ABI3BP: variants seen among roughly 807,000 people sequenced by gnomAD.
ABI3BP encodes target of Nesh-SH3.
ABI3BP carries 216 observed loss-of-function variants against 268.6 expected under a neutral mutation model. The observed-to-expected ratio is 0.80, with a 90% CI of 0.72 to 0.90. The LOEUF is 0.90. ABI3BP is among the 40% of genes least tolerant of loss of function. ABI3BP has a pLI of 0.00. For synonymous variants in ABI3BP, 730 were observed against 730.0 expected (o/e 1.00, Z 0.00); for missense variants, 2,090 against 2,182.4 (o/e 0.96, Z 0.84).
chr3:100,848,621 C>T (rs1041089785), intron 18 of ABI3BP, among the ~76,000 whole-genome samples, 180 bp downstream of exon 18: 12 of 152,070 alleles, frequency 7.9e-5, no homozygotes, highest in African/African-American at 2.2e-4. Flanking sequence ...GAGACGGGGT[C>T]TCACTAGCTT....
At chr3:100,905,748 C>G (rs1210030993) in intron 2 of ABI3BP, among the ~76,000 whole-genome samples, 2 of 151,924 alleles carry the variant, frequency 1.3e-5, no homozygotes, top group Non-Finnish European at 2.9e-5. Flanking sequence ...AATTAAAGGC[C>G]CTTACGTTTG....
chr3:100,915,426 C>T lies in ABI3BP; in HGVS notation c.259+10876G>A, dbSNP rs149306944. Among the ~76,000 whole-genome samples the T allele has an allele frequency of 4.9e-3, 749 of 152,260 alleles. 5 individuals carry two copies. The highest frequency in any genetic ancestry group is 0.017 in the African/African-American group (712 of 41,554). On this transcript the variant is annotated intron_variant, in intron 2 of 67. Coordinates refer to ENST00000471714, the MANE Select transcript of ABI3BP (RefSeq NM_001375547.2). ...CTGCGAGGACTGCTGCCGCCATGCCCGGCCAGATGTCATTATGGAGGTGTG... is the reference window on the plus strand; with the variant it reads ...CTGCGAGGACTGCTGCCGCCATGCCTGGCCAGATGTCATTATGGAGGTGTG...
Position 100,765,943 on chromosome 3 carries a change from T to C in ABI3BP, c.4748A>G (p.Glu1583Gly), listed in dbSNP as rs2096250453. ...TGACCCATTTTCTCTGGATATAACT[T>C]CATATTCTGTAAAGCGAAAGAAGCC... ...KPLNDTVTEY[E>G]VISRENGSFS... Residue 1583 changes from glutamate to glycine, a missense_variant, in exon 63 of 68, where the codon GAA (glutamate) becomes GGA (glycine). By Grantham distance (98) the Glu-to-Gly change is moderately conservative. Coordinates refer to ENST00000471714, the MANE Select transcript of ABI3BP (RefSeq NM_001375547.2). The C allele has an allele frequency of 1.9e-6, 3 of 1,606,568 alleles. No individual in the cohort carries two copies. In the African/African-American group the frequency reaches 4.0e-5, roughly 21 times the overall value.
rs1354206273 is a variant in ABI3BP, at chr3:100,865,594, C to A, written c.989-687G>T. Among the ~76,000 whole-genome samples the A allele has an allele frequency of 2.0e-5, 3 of 152,122 alleles. No homozygotes were observed. In the South Asian group the frequency reaches 6.2e-4, roughly 32 times the overall value. On this transcript the variant is annotated intron_variant, in intron 10 of 67. Coordinates refer to ENST00000471714, the MANE Select transcript of ABI3BP (RefSeq NM_001375547.2). ...ACTGGGATCTGAAATGAATTGAGAGCCAGAAAGCCCCGGAATGTTGCAGGG... is the reference window on the plus strand; with the variant it reads ...ACTGGGATCTGAAATGAATTGAGAGACAGAAAGCCCCGGAATGTTGCAGGG...
chr3:100,750,080 A>G lies in ABI3BP; in HGVS notation c.*415T>C, dbSNP rs1031945595. ...TTTGATCCAATAAGTTAAACTAAGTAGAGATTTATGGAATTAACTCATCAA... is the reference window on the plus strand; with the variant it reads ...TTTGATCCAATAAGTTAAACTAAGTGGAGATTTATGGAATTAACTCATCAA... On this transcript the variant is annotated 3_prime_UTR_variant, in exon 68 of 68. Coordinates refer to ENST00000471714, the MANE Select transcript of ABI3BP (RefSeq NM_001375547.2). 7 of 244,874 alleles carry G rather than the reference A, an allele frequency of 2.9e-5. No homozygotes were observed. The highest frequency in any genetic ancestry group is 5.4e-5 in the Non-Finnish European group (7 of 129,986). 15.2% of individuals were successfully genotyped at this position (244,874 alleles called of 1,614,324 possible).
rs536603285 is a variant in ABI3BP, at chr3:100,884,711, G to C, written c.696+825C>G. On this transcript the variant is annotated intron_variant, in intron 6 of 67. Coordinates refer to ENST00000471714, the MANE Select transcript of ABI3BP (RefSeq NM_001375547.2). The stretch of plus-strand genomic sequence containing the variant: ...CACAATAGTCTTTGCACGTTCATTT[G>C]ACTGTAGGATACTTCCAATATCTAG... Among the ~76,000 whole-genome samples, 3 of 146,182 alleles carry C rather than the reference G, an allele frequency of 2.1e-5. No homozygotes were observed. In the South Asian group the frequency reaches 6.6e-4, roughly 32 times the overall value.
chr3:100,894,855 C>T (rs146725839), intron 4 of ABI3BP, among the ~76,000 whole-genome samples: 1 of 141,708 alleles, frequency 7.1e-6, no homozygotes, highest in African/African-American at 2.7e-5. Flanking sequence ...AGGAGAATGG[C>T]GTGAACCCGG....
Position 100,834,750 on chromosome 3 carries a change from T to C in ABI3BP, c.2215A>G (p.Arg739Gly), listed in dbSNP as rs1268838091. ...TLAPKTSQRT[R>G]TRRPRPKHKT... ...TGTTTGGGACGTGGACGACGTGTTC[T>C]TGTTCGTTGCGATGTTTTTGGAGCT... is the stretch of plus-strand genomic sequence containing the variant. The change falls in exon 29 of 68, where the codon AGA (arginine) becomes GGA (glycine). Residue 739 changes from arginine (R) to glycine (G), a missense_variant. By Grantham distance (125) the Arg-to-Gly change is moderately radical. Transcript: ENST00000471714. The C allele has an allele frequency of 1.3e-6, 2 of 1,535,622 alleles. No individual in the cohort carries two copies. The highest frequency in any genetic ancestry group is 2.7e-5 in the African/African-American group (2 of 73,014).
intron 36 of ABI3BP, 77 bp downstream of exon 36, chr3:100,824,781 C>T: frequency 4.1e-6 from 5 of 1,234,330 alleles, no homozygotes; most frequent in Non-Finnish European, 4.5e-6. Context: ...TGTTGCTGCT[C>T]AGCATTGACA....
At position 100,795,006 on chromosome 3, in the gene ABI3BP, G is replaced by T. The variant is rs2097302724; in HGVS notation, c.3866-3C>A. 2 of 1,473,408 alleles carry T rather than the reference G, an allele frequency of 1.4e-6. No individual in the cohort carries two copies. Among genetic ancestry groups the T allele is most frequent in the African/African-American group, 1.5e-5 (1 of 68,228 alleles). 91.3% of individuals were successfully genotyped at this position (1,473,408 alleles called of 1,614,324 possible). On this transcript the variant is annotated splice_region_variant and splice_polypyrimidine_tract_variant and intron_variant, in intron 53 of 67. Transcript: ENST00000471714. ...GATGCCTCGTGTCTCTAGAGGAGCT[G>T]CAAAAAGAAAAGGACCAAGGTTGTA...
intron 61 of ABI3BP, 48 bp downstream of exon 61, chr3:100,774,557 C>A: frequency 6.9e-7 from 1 of 1,442,434 alleles, no homozygotes; most frequent in Non-Finnish European, 9.4e-7. Flanking sequence ...GATACACCTA[C>A]CAAAAATGGC....
rs41272987 is a variant in ABI3BP at position 100,770,663 on chromosome 3, G to A, written c.4741+80C>T. 770 of 1,316,148 alleles carry A rather than the reference G, an allele frequency of 5.9e-4. 1 individual carries two copies. Among genetic ancestry groups the A allele is most frequent in the Non-Finnish European group, 7.5e-4 (756 of 1,004,776 alleles). The allele number at this position is 1,316,148 out of a possible 1,614,324, so 81.5% of individuals were successfully genotyped here. A position where few individuals can be genotyped will look rare whatever the true frequency, so the allele number is the denominator to read the frequency against. The stretch of plus-strand genomic sequence containing the variant: ...CCCCAGGTATGCTTCACATGTCAAC[G>A]TTGACCCAGGGTACCCCACTCCCAG... On this transcript the variant is annotated intron_variant, in intron 62 of 67. Coordinates refer to ENST00000471714, the MANE Select transcript of ABI3BP (RefSeq NM_001375547.2).
At chr3:100,833,007 AG>A in intron 30 of ABI3BP, 117 bp downstream of exon 30, 1 of 836,868 alleles carries the variant, frequency 1.2e-6, no homozygotes, top group South Asian at 2.2e-5. Flanking sequence ...CCATATTTTG[AG>A]ATGAATACTG....
At chr3:100,829,773 T>C (rs2098452793) in intron 32 of ABI3BP, 109 bp from the exon 33 acceptor site, 2 of 830,070 alleles carry the variant, frequency 2.4e-6, no homozygotes, top group Admixed American at 4.5e-5. Context: ...TCTTTTGGGT[T>C]TGAAATATTT....
At chr3:100,882,930 G>A (rs2040118145) in intron 6 of ABI3BP, among the ~76,000 whole-genome samples, 1 of 152,088 alleles carries the variant, frequency 6.6e-6, no homozygotes, top group South Asian at 2.1e-4. Flanking sequence ...CAAAGAATGA[G>A]GATTTTTCTA....
chr3:100,779,884 A>C (rs1056118065), intron 58 of ABI3BP, among the ~76,000 whole-genome samples: 3 of 152,216 alleles, frequency 2.0e-5, no homozygotes, highest in African/African-American at 7.2e-5. Context: ...ACATTATAGC[A>C]AGTAATGATT....
intron 2 of ABI3BP, among the ~76,000 whole-genome samples, chr3:100,903,041 C>T (rs2153506188): frequency 6.6e-6 from 1 of 152,236 alleles, no homozygotes; most frequent in African/African-American, 2.4e-5. Flanking sequence ...TCAAGGAGAG[C>T]CAATCCCGAT....
intron 67 of ABI3BP, among the ~76,000 whole-genome samples, chr3:100,751,240 C>G (rs2095306683): frequency 6.6e-6 from 1 of 151,958 alleles, no homozygotes; most frequent in South Asian, 2.1e-4. Context: ...AAAAATAACG[C>G]AAGTACACTC....
chr3:100,789,535 T>A lies in ABI3BP; in HGVS notation c.4025-19A>T. 1 of 1,574,510 alleles carries A rather than the reference T, an allele frequency of 6.4e-7. No homozygotes were observed. On this transcript the variant is annotated intron_variant, in intron 55 of 67. Transcript: ENST00000471714. The stretch of plus-strand genomic sequence containing the variant: ...TGTGGCGCTGAAACAGAGGAACACT[T>A]TATATTTAATAACCAACAGACCAAA...
Sources: gnomAD v4.1 joint callset for allele counts (sites outside exome capture counted in the v4.1 genomes callset) on GRCh38, gnomAD v4.1.1 for gene constraint, MANE v1.5 for transcripts, NCBI Gene and HGNC (gene_info 2026-07-23, HGNC 2026-07-21) for gene names.